Variants in GTF3C2 observed in about 807,000 individuals in gnomAD.
GTF3C2 encodes general transcription factor IIIC subunit 2.
GTF3C2 carries 17 observed loss-of-function variants against 117.4 expected under a neutral mutation model. That is an observed-to-expected ratio of 0.14 (90% CI 0.10 to 0.22). The LOEUF is 0.22. Ranked by LOEUF, GTF3C2 falls within the 10% of genes least tolerant of loss-of-function variation. The pLI is 1.00. For missense variants in GTF3C2, 888 were observed against 1,143.6 expected (o/e 0.78, Z 3.22); for synonymous variants, 437 against 427.0 (o/e 1.02, Z -0.29).
At chr2:27,333,130 G>C (rs1289618019) in intron 12 of GTF3C2, among the ~76,000 whole-genome samples, 1 of 150,478 alleles carries the variant, frequency 6.6e-6, no homozygotes, top group Admixed American at 6.6e-5. Flanking sequence ...TTATAGGCAT[G>C]AGCCACCACA....
Position 27,343,590 on chromosome 2 carries a change from G to C in GTF3C2, c.-24-12C>G, listed in dbSNP as rs994561761. 1 of 1,608,400 alleles carries C rather than the reference G, an allele frequency of 6.2e-7. No individual in the cohort carries two copies. Among genetic ancestry groups the C allele is most frequent in the Non-Finnish European group, 8.5e-7 (1 of 1,175,872 alleles). ...CAAAATGGCTGCCCCTGCATACAGA[G>C]ACACACAAATGAGTAGAGGACAAAA... is the stretch of plus-strand genomic sequence containing the variant. On this transcript the variant is annotated splice_polypyrimidine_tract_variant and intron_variant, in intron 1 of 18. Transcript: ENST00000264720.
intron 1 of GTF3C2, among the ~76,000 whole-genome samples, chr2:27,352,645 C>A (rs1455519847): frequency 6.6e-6 from 1 of 152,102 alleles, no homozygotes; most frequent in East Asian, 1.9e-4. Context: ...CTCCTACAGT[C>A]AAACTTTTAA....
chr2:27,336,637 G>A, intron 7 of GTF3C2: 1 of 517,776 alleles, frequency 1.9e-6, no homozygotes, highest in Middle Eastern at 4.9e-4. Flanking sequence ...TATTTGAGAT[G>A]GGGTCTGTCA....
intron 12 of GTF3C2, among the ~76,000 whole-genome samples, chr2:27,332,087 G>T (rs1455772360): frequency 4.6e-5 from 7 of 152,256 alleles, no homozygotes; most frequent in African/African-American, 1.7e-4. Context: ...CAATATTTCA[G>T]TGTGACTTTA....
At chr2:27,343,578 C>T (rs1212343533) in exon 2 of GTF3C2, 2 of 1,612,116 alleles carry the variant, frequency 1.2e-6, no homozygotes, top group Non-Finnish European at 1.7e-6. Flanking sequence ...AATGGCTGCC[C>T]CTGCATACAG....
chr2:27,354,750 G>A (rs891174618), intron 1 of GTF3C2, among the ~76,000 whole-genome samples: 1 of 152,136 alleles, frequency 6.6e-6, no homozygotes, highest in Admixed American at 6.6e-5. Context: ...GACAGAGGAA[G>A]ATTCCGGTTT....
intron 1 of GTF3C2, among the ~76,000 whole-genome samples, chr2:27,348,862 G>C (rs924957185): frequency 6.6e-6 from 1 of 152,204 alleles, no homozygotes; most frequent in African/African-American, 2.4e-5. Flanking sequence ...TTGAAATGGA[G>C]TCTTGCTCTT....
chr2:27,331,160 A>G (rs1680260323), intron 12 of GTF3C2, among the ~76,000 whole-genome samples: 1 of 152,234 alleles, frequency 6.6e-6, no homozygotes, highest in Admixed American at 6.5e-5. Flanking sequence ...GCACTCAATC[A>G]AGTTTAGGAA....
intron 12 of GTF3C2, among the ~76,000 whole-genome samples, chr2:27,333,158 CT>C (rs1199330474): frequency 0.024 from 3,071 of 130,172 alleles, 97 homozygotes; most frequent in African/African-American, 0.076. Flanking sequence ...GGCATCTACT[CT>C]TTTTTTTTTT....
intron 3 of GTF3C2, 75 bp downstream of exon 3, chr2:27,342,749 TTC>T (rs1464980903): frequency 3.6e-6 from 4 of 1,106,056 alleles, no homozygotes; most frequent in Non-Finnish European, 5.4e-6. Flanking sequence ...CTCATCAGTC[TTC>T]TCTCTCCAAC....
intron 4 of GTF3C2, 91 bp downstream of exon 4, chr2:27,341,857 C>G (rs1387333223): frequency 3.7e-6 from 4 of 1,095,280 alleles, no homozygotes; most frequent in Non-Finnish European, 5.4e-6. Context: ...TTATAGTTAC[C>G]AGGTCAAAGC....
chr2:27,343,362 CAGG>C (rs749474002), exon 2 of GTF3C2: 18 of 1,614,050 alleles, frequency 1.1e-5, no homozygotes, highest in Non-Finnish European at 1.5e-5. Flanking sequence ...CTCCTCTGAT[CAGG>C]AGAATCCTCA....
At chr2:27,337,977 G>T in exon 5 of GTF3C2, 1 of 1,612,634 alleles carries the variant, frequency 6.2e-7, no homozygotes, top group Non-Finnish European at 8.5e-7. Context: ...GATATGATTT[G>T]GTAAGCCATT....
At chr2:27,351,902 T>C (rs765058100) in intron 1 of GTF3C2, among the ~76,000 whole-genome samples, 1 of 151,746 alleles carries the variant, frequency 6.6e-6, no homozygotes, top group Non-Finnish European at 1.5e-5. Flanking sequence ...TCTTGTTCCT[T>C]TGATGCTTAG....
At chr2:27,331,148 A>G (rs1464055949) in intron 12 of GTF3C2, among the ~76,000 whole-genome samples, 2 of 152,198 alleles carry the variant, frequency 1.3e-5, no homozygotes, top group Non-Finnish European at 2.9e-5. Context: ...GGACTGGTAG[A>G]GGCACTCAAT....
chr2:27,327,899 T>G, intron 17 of GTF3C2, 138 bp downstream of exon 17: 1 of 632,516 alleles, frequency 1.6e-6, no homozygotes, highest in South Asian at 2.1e-5. Context: ...CTGCTGGGAT[T>G]ACAGGCATGA....
exon 19 of GTF3C2, chr2:27,326,595 C>A: frequency 9.6e-7 from 1 of 1,042,700 alleles, no homozygotes; most frequent in Admixed American, 2.0e-5. Flanking sequence ...CCAGGGAAGG[C>A]CCCCAGTTCC....
At position 27,328,724 on chromosome 2, in the gene GTF3C2, A is replaced by G. The variant is rs924963961; in HGVS notation, c.2127+120T>C. 4.3e-5 allele frequency: 45 copies of G among 1,056,874 alleles called. No homozygotes were observed. The African/African-American group carries it at 6.8e-4, about 16-fold the overall frequency. The allele number at this position is 1,056,874 out of a possible 1,614,324, so 65.5% of individuals were successfully genotyped here. A position where few individuals can be genotyped will look rare whatever the true frequency, so the allele number is the denominator to read the frequency against. Reference sequence around the variant, plus strand: ...TTTACCATAACCGACAGCCCTGATGATAGAGTTACAACATCCCTATCTTCT... The same window carrying G: ...TTTACCATAACCGACAGCCCTGATGGTAGAGTTACAACATCCCTATCTTCT... On this transcript the variant is annotated intron_variant, in intron 15 of 18. Coordinates refer to ENST00000264720, the Ensembl canonical transcript of GTF3C2.
chr2:27,343,535 C>T, exon 2 of GTF3C2: 1 of 1,613,970 alleles, frequency 6.2e-7, no homozygotes, highest in Non-Finnish European at 8.5e-7. Context: ...GGCAACATAG[C>T]CGACCCCGCA....
Sources: allele counts gnomAD v4.1 joint callset (sites outside exome capture counted in the v4.1 genomes callset), GRCh38; gene constraint gnomAD v4.1.1; transcripts MANE v1.5; gene names NCBI Gene and HGNC (gene_info 2026-07-23, HGNC 2026-07-21).